Variants in STARD13 observed in about 807,000 individuals in gnomAD.
STARD13 encodes the protein stAR-related lipid transfer protein 13.
In STARD13, 62 loss-of-function variants were observed where a neutral mutation model predicts 106.4. That is an observed-to-expected ratio of 0.58 (90% CI 0.48 to 0.72). The LOEUF (loss-of-function observed/expected upper bound fraction) is 0.72. Ranked by LOEUF, STARD13 falls within the 30% of genes least tolerant of loss-of-function variation. The pLI, the probability that STARD13 is intolerant of heterozygous loss-of-function variation, is 0.00. For missense variants in STARD13, 1,387 were observed against 1,424.0 expected, an observed-to-expected ratio of 0.97 and a Z score of 0.42; for synonymous variants, 565 against 553.0, an observed-to-expected ratio of 1.02 and a Z score of -0.31.
chr13:33,319,737 G>C (rs974883593), intron 1 of STARD13, among the ~76,000 whole-genome samples: 1 of 152,038 alleles, frequency 6.6e-6, no homozygotes, highest in Admixed American at 6.6e-5. Context: ...GCAAAATAAG[G>C]GGTTGGACTC....
chr13:33,336,178 G>C (rs1413457478), intron 1 of STARD13: 2 of 152,226 alleles, frequency 1.3e-5, no homozygotes, highest in African/African-American at 4.8e-5. Context: ...CTTCTCCAGA[G>C]TGATCTTATA....
chr13:33,485,870 T>A, the STARD13 span, among the ~76,000 whole-genome samples: 2 of 152,174 alleles, frequency 1.3e-5, no homozygotes, highest in Non-Finnish European at 2.9e-5. Context: ...CATGCAGAGA[T>A]GCAAGAAGAA....
intron 8 of STARD13, among the ~76,000 whole-genome samples, chr13:33,115,031 A>T (rs1240195443): frequency 6.6e-6 from 1 of 152,096 alleles, no homozygotes; most frequent in Non-Finnish European, 1.5e-5. Flanking sequence ...CCTCAAATTC[A>T]GATTCCTGTG....
chr13:33,305,353 G>C (rs1314367737), intron 1 of STARD13, among the ~76,000 whole-genome samples: 4 of 152,218 alleles, frequency 2.6e-5, no homozygotes, highest in African/African-American at 9.7e-5. Context: ...ATATAAGGCT[G>C]GAGATAAATC....
the STARD13 span, among the ~76,000 whole-genome samples, chr13:33,374,653 G>T: frequency 6.6e-6 from 1 of 152,136 alleles, no homozygotes; most frequent in African/African-American, 2.4e-5. Context: ...GTATATAGTT[G>T]CTGGAGTTCA....
chr13:33,227,098 G>A (rs1211927586), intron 1 of STARD13, among the ~76,000 whole-genome samples: 1 of 152,158 alleles, frequency 6.6e-6, no homozygotes, highest in Admixed American at 6.5e-5. Context: ...ACCTTTAAAT[G>A]GCCATAACAA....
At position 33,112,000 on chromosome 13, in the gene STARD13, C is replaced by T. The variant is rs1016850847; in HGVS notation, c.2493-108G>A. ...TTTATACCCAGATGCTATCCAGATC[C>T]CAGGCTTTTGCGTTTCCAAATAAAA... On this transcript the variant is annotated intron_variant, in intron 9 of 13. Coordinates refer to ENST00000336934, the MANE Select transcript of STARD13 (RefSeq NM_178006.4). The T allele has an allele frequency of 1.2e-5, 8 of 663,428 alleles. No individual in the cohort carries two copies. In the African/African-American group the frequency reaches 1.4e-4, roughly 12 times the overall value. The allele number at this position is 663,428 out of a possible 1,614,324, so 41.1% of individuals were successfully genotyped here. A position where few individuals can be genotyped will look rare whatever the true frequency, so the allele number is the denominator to read the frequency against.
intron 1 of STARD13, among the ~76,000 whole-genome samples, chr13:33,240,885 G>T (rs957188403): frequency 6.6e-6 from 1 of 152,094 alleles, no homozygotes; most frequent in East Asian, 1.9e-4. Flanking sequence ...TTCATGTATA[G>T]CAATGCAACT....
chr13:33,478,017 T>C, the STARD13 span, among the ~76,000 whole-genome samples: 3 of 152,156 alleles, frequency 2.0e-5, no homozygotes, highest in African/African-American at 2.4e-5. Context: ...CTTACCTCTC[T>C]CCAATTCCTG....
In STARD13 at chr13:33,113,100, C is replaced by T. The variant is rs1164802877; in HGVS notation, c.2282-169G>A. The T allele has an allele frequency of 5.4e-6, 3 of 560,618 alleles. No homozygotes were observed. In the East Asian group the frequency reaches 8.7e-5, roughly 16 times the overall value. The allele number at this position is 560,618 out of a possible 1,614,324, so 34.7% of individuals were successfully genotyped here. On this transcript the variant is annotated intron_variant, in intron 8 of 13. Transcript: ENST00000336934. ...ACAAAGAAGTCAGTAATTGCTGAGG[C>T]CTCGCAGCTCATGGGAGGCAGAGCT...
intron 2 of STARD13, among the ~76,000 whole-genome samples, chr13:33,166,762 A>G (rs1883356146): frequency 1.3e-5 from 2 of 152,296 alleles, no homozygotes; most frequent in South Asian, 4.1e-4. Context: ...AGGGAGGCCG[A>G]GGTGGGAAAG....
chr13:33,164,187 T>C (rs1270100061), intron 3 of STARD13: 1 of 152,200 alleles, frequency 6.6e-6, no homozygotes, highest in Non-Finnish European at 1.5e-5. Context: ...TTCTTGAACA[T>C]TCAGAGATCA....
chr13:33,627,231 T>C, the STARD13 span, among the ~76,000 whole-genome samples: 19 of 152,350 alleles, frequency 1.2e-4, no homozygotes, highest in Non-Finnish European at 2.5e-4. Flanking sequence ...AAACATTATG[T>C]AAGTAGTTAC....
the STARD13 span, among the ~76,000 whole-genome samples, chr13:33,460,946 A>G: frequency 6.6e-6 from 1 of 152,256 alleles, no homozygotes; most frequent in South Asian, 2.1e-4. Flanking sequence ...AACATACATG[A>G]ATCTCAAAAT....
the STARD13 span, among the ~76,000 whole-genome samples, chr13:33,371,004 G>C: frequency 6.6e-6 from 1 of 152,126 alleles, no homozygotes; most frequent in African/African-American, 2.4e-5. Flanking sequence ...TCACAATCAA[G>C]ATCAATTCAC....
At chr13:33,197,395 T>C (rs923478184) in intron 1 of STARD13, among the ~76,000 whole-genome samples, 2 of 149,344 alleles carry the variant, frequency 1.3e-5, no homozygotes, top group Non-Finnish European at 3.0e-5. Context: ...TTGAGTTATC[T>C]CTATAGACAA....
At chr13:33,620,431 C>T in the STARD13 span, among the ~76,000 whole-genome samples, 5 of 151,738 alleles carry the variant, frequency 3.3e-5, no homozygotes, top group African/African-American at 4.8e-5. Context: ...TACAGGTGCC[C>T]GCCACCACAC....
chr13:33,276,685 G>A (rs1185511740), intron 1 of STARD13: 2 of 152,108 alleles, frequency 1.3e-5, no homozygotes, highest in Non-Finnish European at 2.9e-5. Flanking sequence ...AAGCAGGAAG[G>A]GGAGAGTTGG....
the STARD13 span, among the ~76,000 whole-genome samples, chr13:33,425,508 G>T: frequency 6.6e-6 from 1 of 152,170 alleles, no homozygotes; most frequent in Non-Finnish European, 1.5e-5. Flanking sequence ...GGGAAAAAAT[G>T]AGGAGGTACA....
Sources: gnomAD v4.1 joint callset for allele counts (sites outside exome capture counted in the v4.1 genomes callset) on GRCh38, gnomAD v4.1.1 for gene constraint, MANE v1.5 for transcripts, NCBI Gene and HGNC (gene_info 2026-07-23, HGNC 2026-07-21) for gene names.